The following CAP2 variants were observed in gnomAD, a reference collection of about 807,000 sequenced individuals.
CAP2 encodes cyclase associated actin cytoskeleton regulatory protein 2, also known as adenylyl cyclase-associated protein 2.
A neutral mutation model predicts 57.7 loss-of-function variants in CAP2; 24 were observed. The observed-to-expected ratio is 0.42, with a 90% CI of 0.30 to 0.58. The LOEUF is 0.58. CAP2 is among the 20% of genes least tolerant of loss of function. CAP2 has a pLI of 0.22. For missense variants in CAP2, 501 were observed against 590.3 expected (o/e 0.85, Z 1.57); for synonymous variants, 194 against 207.2 (o/e 0.94, Z 0.55).
rs1390399982 is a variant in CAP2, at chr6:17,449,866, G to A, written c.223-13130G>A. ...TCTCACAGTGTCTTAAATGCTTTAG[G>A]CTATTTGGTGATAATTATGAACTAG... is the stretch of plus-strand genomic sequence containing the variant. On this transcript the variant is annotated intron_variant, in intron 3 of 12. Transcript: ENST00000229922. Among the ~76,000 whole-genome samples, 6 of 152,070 alleles carry A rather than the reference G, an allele frequency of 3.9e-5. 1 individual carries two copies. The highest frequency in any genetic ancestry group is 3.3e-4 in the Admixed American group (5 of 15,262).
intron 4 of CAP2, among the ~76,000 whole-genome samples, chr6:17,503,329 C>T (rs1761879577): frequency 1.3e-5 from 2 of 152,186 alleles, no homozygotes; most frequent in Non-Finnish European, 1.5e-5. Context: ...ACCAGTCAGG[C>T]CGGGTGCCAT....
intron 3 of CAP2, among the ~76,000 whole-genome samples, chr6:17,428,980 T>G (rs1759658992): frequency 6.6e-6 from 1 of 152,166 alleles, no homozygotes; most frequent in Non-Finnish European, 1.5e-5. Flanking sequence ...ACAAAGATAC[T>G]TCTCCATTTC....
chr6:17,439,446 T>C (rs1336731278), intron 3 of CAP2, among the ~76,000 whole-genome samples: 4 of 151,440 alleles, frequency 2.6e-5, no homozygotes, highest in African/African-American at 9.8e-5. Flanking sequence ...TCACTGAGGA[T>C]TTAGAGCAGC....
At chr6:17,512,498 A>T (rs987802669) in intron 6 of CAP2, among the ~76,000 whole-genome samples, 3 of 152,232 alleles carry the variant, frequency 2.0e-5, no homozygotes, top group African/African-American at 4.8e-5. Flanking sequence ...ATATAAACAT[A>T]GACATATGTG....
chr6:17,451,493 A>G (rs1025812043), intron 3 of CAP2, among the ~76,000 whole-genome samples: 1 of 151,768 alleles, frequency 6.6e-6, no homozygotes, highest in Non-Finnish European at 1.5e-5. Flanking sequence ...ATCTCAGCAC[A>G]TAGTAGGTAT....
rs1554127029 is a variant in CAP2 at position 17,496,036 on chromosome 6, G to GGGC, written c.301-11131_301-11130insCGG. ...TGCATGCGTGTGTGGGTGGGGGGGG[G>GGGC]GGGTAAGTCAGGGAAAACAGGCTGC... On this transcript the variant is annotated intron_variant, in intron 4 of 12. Transcript: ENST00000229922. Among the ~76,000 whole-genome samples the GGGC allele has an allele frequency of 1.7e-4, 23 of 133,732 alleles. 1 individual carries two copies. The highest frequency in any genetic ancestry group is 3.2e-4 in the Non-Finnish European group (20 of 62,252). 87.7% of individuals were successfully genotyped at this position (133,732 alleles called of 152,430 possible).
At chr6:17,532,734 C>T (rs566790047) in intron 7 of CAP2, among the ~76,000 whole-genome samples, 1,344 of 119,450 alleles carry the variant, frequency 0.011, 18 homozygotes, top group Middle Eastern at 0.037. Context: ...GGCGACTGAG[C>T]GATACTAAAA....
At chr6:17,540,022 C>T (rs909041298) in intron 8 of CAP2, among the ~76,000 whole-genome samples, 17 of 152,258 alleles carry the variant, frequency 1.1e-4, no homozygotes, top group African/African-American at 3.6e-4. Context: ...GTGGGGGCTG[C>T]GGTGAGCTGA....
chr6:17,538,287 A>G (rs577572453), intron 7 of CAP2, among the ~76,000 whole-genome samples: 147 of 148,404 alleles, frequency 9.9e-4, no homozygotes, highest in Non-Finnish European at 1.6e-3. Context: ...TCATCTCTCA[A>G]AAAAAAAAAA....
At chr6:17,547,856 A>G (rs1763085462) in intron 11 of CAP2, among the ~76,000 whole-genome samples, 1 of 151,224 alleles carries the variant, frequency 6.6e-6, no homozygotes, top group African/African-American at 2.4e-5. Context: ...AAAAAAAAAA[A>G]GTTCTAACCT....
At position 17,513,817 on chromosome 6, in the gene CAP2, TCTG is replaced by T. The variant is rs1762210422; in HGVS notation, c.531-29_531-27del. ...TTAAAATTTTATTTTAGATCCTAAC[TCTG>T]CTTTCTTCAACCCTCTTTCACAACA... is the stretch of plus-strand genomic sequence containing the variant. On this transcript the variant is annotated intron_variant, in intron 6 of 12. Transcript: ENST00000229922. This position sits in a 1 kb window ranked among gnomAD's most constrained non-coding sequence, Gnocchi z 4.3. The T allele has an allele frequency of 6.9e-7, 1 of 1,447,496 alleles. No homozygotes were observed. The highest frequency in any genetic ancestry group is 1.4e-5 in the African/African-American group (1 of 71,660). 89.7% of individuals were successfully genotyped at this position (1,447,496 alleles called of 1,614,324 possible). A position where few individuals can be genotyped will look rare whatever the true frequency, so the allele number is the denominator to read the frequency against.
At chr6:17,410,574 T>A (rs903462707) in intron 1 of CAP2, among the ~76,000 whole-genome samples, 13 of 146,384 alleles carry the variant, frequency 8.9e-5, no homozygotes, top group Non-Finnish European at 1.5e-4. Flanking sequence ...CAGATTTAAT[T>A]TTTTTTTTTT....
chr6:17,406,412 T>TTTTTC (rs1197104013), intron 1 of CAP2, among the ~76,000 whole-genome samples: 2 of 135,198 alleles, frequency 1.5e-5, no homozygotes, highest in African/African-American at 7.4e-5. Context: ...TTTTTTTTTT[T>TTTTTC]TGAGGCAGTC....
At chr6:17,547,371 AT>A (rs139834533) in intron 11 of CAP2, among the ~76,000 whole-genome samples, 9,408 of 152,224 alleles carry the variant, frequency 0.062, 420 homozygotes, top group Non-Finnish European at 0.091. Context: ...TCATAACTGA[AT>A]TGAGTGTCTG....
At chr6:17,427,193 G>A (rs1759615969) in intron 3 of CAP2, among the ~76,000 whole-genome samples, 1 of 152,194 alleles carries the variant, frequency 6.6e-6, no homozygotes, top group African/African-American at 2.4e-5. Flanking sequence ...CAAGAGCGAA[G>A]GCTCAGAGCA....
intron 4 of CAP2, among the ~76,000 whole-genome samples, chr6:17,469,256 A>C (rs1760951901): frequency 6.6e-6 from 1 of 152,258 alleles, no homozygotes; most frequent in South Asian, 2.1e-4. Flanking sequence ...TTGCAGGAGC[A>C]GAAGAGAAGC....
chr6:17,406,609 G>T (rs569983349), intron 1 of CAP2, among the ~76,000 whole-genome samples: 2 of 151,910 alleles, frequency 1.3e-5, no homozygotes, highest in South Asian at 4.2e-4. Context: ...GGTCAGGTTG[G>T]TCTGGAACTC....
At chr6:17,544,259 A>G (rs965103247) in intron 11 of CAP2, among the ~76,000 whole-genome samples, 1 of 152,166 alleles carries the variant, frequency 6.6e-6, no homozygotes, top group Non-Finnish European at 1.5e-5. Context: ...CAACTAATGC[A>G]TAAATAAAAG....
intron 4 of CAP2, among the ~76,000 whole-genome samples, chr6:17,463,742 T>A (rs1388813970): frequency 6.6e-6 from 1 of 152,184 alleles, no homozygotes; most frequent in Non-Finnish European, 1.5e-5. Flanking sequence ...ACACCAAAAT[T>A]GGAAAGAGTT....
Sources: allele counts gnomAD v4.1 joint callset (sites outside exome capture counted in the v4.1 genomes callset), GRCh38; gene constraint gnomAD v4.1.1; non-coding constraint Gnocchi (gnomAD v3.1); transcripts MANE v1.5; gene names NCBI Gene and HGNC (gene_info 2026-07-23, HGNC 2026-07-21).